Variants in AK8 observed in about 807,000 individuals in gnomAD.
AK8 encodes ATP-AMP transphosphorylase 8.
In AK8, 44 loss-of-function variants were observed where a neutral mutation model predicts 54.6. The ratio of observed to expected loss-of-function variants is 0.81; its 90% CI spans 0.63 to 1.04. The LOEUF is 1.04. Among genes scored for constraint, AK8 ranks in the 50% least tolerant of loss-of-function variants. The pLI, the probability that AK8 is intolerant of heterozygous loss-of-function variation, is 0.00. For missense variants in AK8, 555 were observed against 613.6 expected, an observed-to-expected ratio of 0.90 and a Z score of 1.01; for synonymous variants, 239 against 245.6, an observed-to-expected ratio of 0.97 and a Z score of 0.25.
Position 132,877,974 on chromosome 9 carries a change from C to T in AK8, c.84+198G>A, listed in dbSNP as rs113584665. On this transcript the variant is annotated intron_variant, in intron 1 of 12. Transcript: ENST00000298545. ...TCCCCCTGGGTCCGCCTGAGGCAAA[C>T]CCGGGCAGGACCAGGAGCGTCCCCA... is the stretch of plus-strand genomic sequence containing the variant. 18 of 1,413,138 alleles carry T rather than the reference C, an allele frequency of 1.3e-5. No homozygotes were observed. The African/African-American group carries it at 1.4e-4, about 11-fold the overall frequency. 87.5% of individuals were successfully genotyped at this position (1,413,138 alleles called of 1,614,324 possible). A position where few individuals can be genotyped will look rare whatever the true frequency, so the allele number is the denominator to read the frequency against.
intron 11 of AK8, among the ~76,000 whole-genome samples, chr9:132,782,429 C>T (rs1447691225): frequency 1.3e-5 from 2 of 152,178 alleles, no homozygotes; most frequent in Admixed American, 1.3e-4. Context: ...GTGGCTCACG[C>T]CTGTAATCCC....
chr9:132,770,175 G>C lies in AK8; in HGVS notation c.1121+22459C>G, dbSNP rs1015080711. ...GGGAAACGGAACCAGGGGAAGGCCT[G>C]GGGGGGTCACACTCGTGCCCCTTGC... On this transcript the variant is annotated intron_variant, in intron 11 of 12. Coordinates refer to ENST00000298545, the MANE Select transcript of AK8 (RefSeq NM_152572.3). The surrounding 1 kb of genome is among the most constrained non-coding windows in gnomAD (Gnocchi z 4.3). 1 of 152,194 alleles carries C rather than the reference G, an allele frequency of 6.6e-6. No individual in the cohort carries two copies. Among genetic ancestry groups the C allele is most frequent in the Non-Finnish European group, 1.5e-5 (1 of 68,086 alleles). 9.4% of individuals were successfully genotyped at this position (152,194 alleles called of 1,614,324 possible).
rs199956942 is a variant in AK8 at position 132,828,697 on chromosome 9, C to A, written c.432G>T (p.Thr144=). ...TCTGGATCCTCAGAGCCTGCTCACG[C>A]GTCTCAGGGATGCCATCCAGAATCC... is the stretch of plus-strand genomic sequence containing the variant. The part of the protein sequence containing the change: ...QGWILDGIPE[T]REQALRIQTL... The change falls in exon 6 of 13, where the codon ACG becomes ACT. Residue 144 remains threonine (T), a synonymous_variant. Transcript: ENST00000298545. 6 of 1,612,150 alleles carry A rather than the reference C, an allele frequency of 3.7e-6. No individual in the cohort carries two copies. In the South Asian group the frequency reaches 6.6e-5, roughly 18 times the overall value.
chr9:132,816,487 A>G (rs2131267717), intron 9 of AK8, among the ~76,000 whole-genome samples: 1 of 152,292 alleles, frequency 6.6e-6, no homozygotes, highest in Middle Eastern at 3.4e-3. Context: ...TTTCTTAGGT[A>G]AAGACACTGA....
At chr9:132,797,711 A>AT (rs200284339) in intron 10 of AK8, among the ~76,000 whole-genome samples, 1,923 of 151,912 alleles carry the variant, frequency 0.013, 36 homozygotes, top group African/African-American at 0.038. Context: ...TAAAAATGTG[A>AT]TTTTTTTTTA....
intron 2 of AK8, among the ~76,000 whole-genome samples, chr9:132,872,604 T>C (rs1843897475): frequency 6.6e-6 from 1 of 151,906 alleles, no homozygotes; most frequent in Non-Finnish European, 1.5e-5. Flanking sequence ...TAGCTGGAGC[T>C]ACAGGTGCAC....
Position 132,823,310 on chromosome 9 carries a change from G to C in AK8, c.784C>G (p.Arg262Gly), listed in dbSNP as rs750881216. 1 of 1,614,008 alleles carries C rather than the reference G, an allele frequency of 6.2e-7. No individual in the cohort carries two copies. Among genetic ancestry groups the C allele is most frequent in the South Asian group, 1.1e-5 (1 of 91,070 alleles). ...QALTYVQSNH[R>G]TNAPFTPRVL... ...CTCGGGGTGAACGGGGCATTAGTAC[G>C]ATGGTTGCTTTGGACATAGGTCAGA... The change falls in exon 9 of 13, where the codon CGT (arginine) becomes GGT (glycine). Residue 262 changes from arginine to glycine, a missense_variant. Coordinates refer to ENST00000298545, the MANE Select transcript of AK8 (RefSeq NM_152572.3).
At chr9:132,792,523 C>T in intron 11 of AK8, 111 bp downstream of exon 11, 2 of 1,393,326 alleles carry the variant, frequency 1.4e-6, no homozygotes, top group Middle Eastern at 2.6e-4. Flanking sequence ...GGAGACATTC[C>T]ACTTCAGGAA....
Position 132,791,331 on chromosome 9 carries a change from G to T in AK8, c.1121+1303C>A, listed in dbSNP as rs2131163818. On this transcript the variant is annotated intron_variant, in intron 11 of 12. Coordinates refer to ENST00000298545, the MANE Select transcript of AK8 (RefSeq NM_152572.3). The surrounding 1 kb of genome is among the most constrained non-coding windows in gnomAD (Gnocchi z 4.0). Reference sequence around the variant, plus strand: ...ACAGCATGGAGGAAACCGCCCCCATGATCCGATCACCTCTCACCAGGTCCC... The same window carrying T: ...ACAGCATGGAGGAAACCGCCCCCATTATCCGATCACCTCTCACCAGGTCCC... 6.6e-6 allele frequency among the ~76,000 whole-genome samples: 1 copy of T among 152,270 alleles called. No homozygotes were observed. The highest frequency in any genetic ancestry group is 1.9e-4 in the East Asian group (1 of 5,186).
chr9:132,806,142 A>G (rs546179614), intron 10 of AK8, among the ~76,000 whole-genome samples: 1 of 151,812 alleles, frequency 6.6e-6, no homozygotes, highest in African/African-American at 2.4e-5. Context: ...AAATGAAAGA[A>G]AAATGTAGAG....
intron 5 of AK8, among the ~76,000 whole-genome samples, chr9:132,847,743 G>A (rs951033189): frequency 1.3e-5 from 2 of 152,128 alleles, no homozygotes; most frequent in African/African-American, 2.4e-5. Context: ...CACTTCGGGA[G>A]GCCAAGACAT....
At chr9:132,847,138 A>AGGAGAGCGGGCCGGGG (rs1842782723) in intron 5 of AK8, among the ~76,000 whole-genome samples, 1 of 152,218 alleles carries the variant, frequency 6.6e-6, no homozygotes, top group African/African-American at 2.4e-5. Context: ...ACTCTTGACC[A>AGGAGAGCGGGCCGGGG]GGAGAGCGGG....
chr9:132,811,531 G>C (rs1304857580), intron 10 of AK8, among the ~76,000 whole-genome samples: 1 of 152,284 alleles, frequency 6.6e-6, no homozygotes, highest in African/African-American at 2.4e-5. Context: ...AAGGAGCACA[G>C]CCCTACTAAT....
At position 132,750,986 on chromosome 9, in the gene AK8, A is replaced by C. The variant is rs1490076123; in HGVS notation, c.1122-23452T>G. On this transcript the variant is annotated intron_variant, in intron 11 of 12. Transcript: ENST00000298545. ...AACTGTTTATCTGGGTTATGCTCCC[A>C]GGTTAAACTTCTTAAGTGAACCGAC... Among the ~76,000 whole-genome samples the C allele has an allele frequency of 1.3e-5, 2 of 152,012 alleles. 1 individual carries two copies. Among genetic ancestry groups the C allele is most frequent in the Non-Finnish European group, 2.9e-5 (2 of 67,918 alleles).
At chr9:132,870,672 C>T (rs1042204034) in intron 2 of AK8, among the ~76,000 whole-genome samples, 10 of 152,246 alleles carry the variant, frequency 6.6e-5, no homozygotes, top group African/African-American at 1.9e-4. Flanking sequence ...GCTCGCTCAC[C>T]GGGATGAGTC....
Position 132,830,533 on chromosome 9 carries a change from A to G in AK8, c.403-1807T>C, listed in dbSNP as rs542243656. On this transcript the variant is annotated intron_variant, in intron 5 of 12. Coordinates refer to ENST00000298545, the MANE Select transcript of AK8 (RefSeq NM_152572.3). ...TAATGAGGTTCAGTATTTTTTCCAT[A>G]TGTTTGTTAGCTATTTGGATTTTTT... 3.0e-3 allele frequency among the ~76,000 whole-genome samples: 435 copies of G among 146,786 alleles called. 2 individuals carry two copies. Among genetic ancestry groups the G allele is most frequent in the Non-Finnish European group, 5.3e-3 (348 of 65,772 alleles).
chr9:132,806,304 A>G (rs1286296700), intron 10 of AK8, among the ~76,000 whole-genome samples: 3 of 152,050 alleles, frequency 2.0e-5, no homozygotes, highest in Admixed American at 2.0e-4. Flanking sequence ...AGCACCCTAG[A>G]AAGTTTCTTT....
rs1309857527 is a variant in AK8 at position 132,824,438 on chromosome 9, G to T, written c.758-1102C>A. On this transcript the variant is annotated intron_variant, in intron 8 of 12. Transcript: ENST00000298545. ...GTGCTGGGTGAGGGGCCAGGCCATC[G>T]TGCCTCCTTCAGGAACATGCCACCC... 2.0e-5 allele frequency among the ~76,000 whole-genome samples: 3 copies of T among 152,166 alleles called. No individual in the cohort carries two copies. The East Asian group carries it at 5.8e-4, about 29-fold the overall frequency.
At chr9:132,728,100 T>C (rs1194960736) in intron 11 of AK8, among the ~76,000 whole-genome samples, 1 of 152,192 alleles carries the variant, frequency 6.6e-6, no homozygotes, top group East Asian at 1.9e-4. Flanking sequence ...CAGATGGTCA[T>C]GGGGAGCAAA....
Sources: gnomAD v4.1 joint callset for allele counts (sites outside exome capture counted in the v4.1 genomes callset) on GRCh38, gnomAD v4.1.1 for gene constraint, Gnocchi (gnomAD v3.1) non-coding constraint, MANE v1.5 for transcripts, NCBI Gene and HGNC (gene_info 2026-07-23, HGNC 2026-07-21) for gene names.